DBT: variants seen among roughly 807,000 people sequenced by gnomAD.
DBT encodes the protein dihydrolipoamide branched chain transacylase E2.
In DBT, 40 loss-of-function variants were observed where a neutral mutation model predicts 51.3. The observed-to-expected ratio is 0.78, with a 90% CI of 0.61 to 1.02. The LOEUF is 1.02. Among genes scored for constraint, DBT ranks in the 50% least tolerant of loss-of-function variants. DBT has a pLI of 0.00. For synonymous variants in DBT, 181 were observed against 190.4 expected (o/e 0.95, Z 0.41); for missense variants, 510 against 580.2 (o/e 0.88, Z 1.24).
intron 7 of DBT, chr1:100,211,181 C>T (rs929096150): frequency 6.7e-5 from 51 of 766,896 alleles, no homozygotes; most frequent in South Asian, 4.0e-4. Context: ...GGAAAGAACA[C>T]GTAACGAGGA....
intron 4 of DBT, among the ~76,000 whole-genome samples, chr1:100,223,281 G>T (rs1391230087): frequency 6.6e-6 from 1 of 152,172 alleles, no homozygotes; most frequent in African/African-American, 2.4e-5. Flanking sequence ...TCATTTTACT[G>T]CATTAAATAA....
rs143940386 is a variant in DBT at position 100,201,253 on chromosome 1, G to A, written c.1282-4831C>T. ...AAACACAGCATGAGAACTTCGTGAA[G>A]CATACACAAGTATCAATAGCTGAAT... is the stretch of plus-strand genomic sequence containing the variant. On this transcript the variant is annotated intron_variant, in intron 10 of 10. Transcript: ENST00000370132. Among the ~76,000 whole-genome samples the A allele has an allele frequency of 9.3e-3, 1,416 of 152,050 alleles. 22 individuals carry two copies. The highest frequency in any genetic ancestry group is 0.033 in the African/African-American group (1,365 of 41,440).
rs534120163 is a variant in DBT at position 100,190,524 on chromosome 1, T to G, written c.*5731A>C. On this transcript the variant is annotated 3_prime_UTR_variant, in exon 11 of 11. Transcript: ENST00000370132. Reference sequence around the variant, plus strand: ...CTCTAATACCTCCTCCATAAGGAAATGGAAATAAATTTTAATCAGTGTGCT... The same window carrying G: ...CTCTAATACCTCCTCCATAAGGAAAGGGAAATAAATTTTAATCAGTGTGCT... 6.6e-6 allele frequency: 1 copy of G among 152,230 alleles called. No individual in the cohort carries two copies. Among genetic ancestry groups the G allele is most frequent in the South Asian group, 2.1e-4 (1 of 4,830 alleles). 9.4% of individuals were successfully genotyped at this position (152,230 alleles called of 1,614,324 possible). A position where few individuals can be genotyped will look rare whatever the true frequency, so the allele number is the denominator to read the frequency against.
chr1:100,205,653 A>G (rs888284585), intron 10 of DBT, among the ~76,000 whole-genome samples: 6 of 152,242 alleles, frequency 3.9e-5, no homozygotes, highest in Admixed American at 1.3e-4. Flanking sequence ...ATGCACATGT[A>G]TGTTTATTGC....
chr1:100,205,842 T>G (rs1170411538), intron 10 of DBT, among the ~76,000 whole-genome samples: 1 of 149,018 alleles, frequency 6.7e-6, no homozygotes, highest in East Asian at 1.9e-4. Context: ...AACCAAACAC[T>G]GCATGTTCTC....
chr1:100,216,036 A>T lies in DBT; in HGVS notation c.719T>A (p.Leu240Gln), dbSNP rs780112282. The part of the protein sequence containing the change: ...PKPKDMTVPI[L>Q]VSKPPVFTGK... Reference sequence around the variant, plus strand: ...TGTGAATACCGGAGGTTTTGATACTAGTATAGGAACAGTCATGTCTTTTGG... The same window carrying T: ...TGTGAATACCGGAGGTTTTGATACTTGTATAGGAACAGTCATGTCTTTTGG... The change falls in exon 6 of 11, where the codon CTA becomes CAA. Residue 240 changes from leucine (L) to glutamine (Q), a missense_variant. Leu to Gln is a moderately radical substitution (Grantham distance 113, BLOSUM62 -2). Transcript: ENST00000370132. 4.3e-6 allele frequency: 7 copies of T among 1,613,362 alleles called. No individual in the cohort carries two copies. Among genetic ancestry groups the T allele is most frequent in the Middle Eastern group, 3.3e-4 (2 of 6,080 alleles).
intron 3 of DBT, among the ~76,000 whole-genome samples, chr1:100,231,298 T>C (rs1355054492): frequency 6.6e-6 from 1 of 152,230 alleles, no homozygotes. Flanking sequence ...GAAATAAGTT[T>C]AAAAAGTGAT....
intron 7 of DBT, among the ~76,000 whole-genome samples, chr1:100,212,049 GTCGT>G (rs1221340098): frequency 3.9e-5 from 6 of 152,334 alleles, no homozygotes; most frequent in African/African-American, 1.4e-4. Context: ...TGGGATTACA[GTCGT>G]GAGACACTGC....
At chr1:100,230,648 A>G in intron 4 of DBT, 85 bp downstream of exon 4, 1 of 870,366 alleles carries the variant, frequency 1.1e-6, no homozygotes, top group Non-Finnish European at 1.8e-6. Context: ...AAAACAAAAA[A>G]ACAAAGATCA....
At chr1:100,238,754 G>C in intron 2 of DBT, among the ~76,000 whole-genome samples, 1 of 152,180 alleles carries the variant, frequency 6.6e-6, no homozygotes, top group East Asian at 1.9e-4. Context: ...GGAAATATCA[G>C]AAGGAAAAGA....
rs1660726521 is a variant in DBT, at chr1:100,189,738, GTCT to G, written c.*6514_*6516del. 2 of 152,278 alleles carry G rather than the reference GTCT, an allele frequency of 1.3e-5. No homozygotes were observed. The highest frequency in any genetic ancestry group is 1.3e-4 in the Admixed American group (2 of 15,278). The allele number at this position is 152,278 out of a possible 1,614,324, so 9.4% of individuals were successfully genotyped here. On this transcript the variant is annotated 3_prime_UTR_variant, in exon 11 of 11. Transcript: ENST00000370132. ...TAACAATATAAGAAAAGCATTCTGA[GTCT>G]TCTTTTAGGCAAACTGAAATTTGCC...
intron 9 of DBT, 33 bp from the exon 10 acceptor site, chr1:100,206,334 A>C: frequency 1.3e-6 from 2 of 1,584,990 alleles, no homozygotes; most frequent in Non-Finnish European, 1.7e-6. Context: ...GGAGAGTATT[A>C]AAAGTTAAGA....
chr1:100,210,940 G>A, intron 7 of DBT, 169 bp from the exon 8 acceptor site: 3 of 1,412,640 alleles, frequency 2.1e-6, no homozygotes, highest in Non-Finnish European at 2.9e-6. Flanking sequence ...TTACCTTCAG[G>A]CCATGTGGAA....
At chr1:100,210,601 A>G (rs1638739181) in intron 8 of DBT, 93 bp downstream of exon 8, 9 of 1,545,970 alleles carry the variant, frequency 5.8e-6, no homozygotes, top group African/African-American at 1.4e-5. Flanking sequence ...AAAAAAGATC[A>G]CTATTTGAGG....
chr1:100,230,191 A>C (rs1663460818), intron 4 of DBT, among the ~76,000 whole-genome samples: 1 of 152,180 alleles, frequency 6.6e-6, no homozygotes, highest in Non-Finnish European at 1.5e-5. Flanking sequence ...ACATCTCGAG[A>C]AGGCAGGACT....
intron 7 of DBT, among the ~76,000 whole-genome samples, chr1:100,213,950 A>C (rs1662328109): frequency 9.0e-6 from 1 of 110,862 alleles, no homozygotes; most frequent in African/African-American, 4.2e-5. Flanking sequence ...GATTCATACC[A>C]AAAAAAAAAA....
chr1:100,232,466 CT>C, intron 3 of DBT, among the ~76,000 whole-genome samples: 1 of 152,152 alleles, frequency 6.6e-6, no homozygotes, highest in East Asian at 1.9e-4. Flanking sequence ...TTATTTGTAA[CT>C]TTTTGTTTGT....
chr1:100,217,695 G>A (rs1448419328), intron 5 of DBT, among the ~76,000 whole-genome samples: 2 of 152,166 alleles, frequency 1.3e-5, no homozygotes, highest in Non-Finnish European at 2.9e-5. Flanking sequence ...AAGTATTCAG[G>A]TTTCAGAACC....
intron 2 of DBT, among the ~76,000 whole-genome samples, chr1:100,240,528 TA>T (rs1185305008): frequency 2.0e-5 from 3 of 151,538 alleles, no homozygotes; most frequent in South Asian, 2.1e-4. Context: ...ATCCTGTCTC[TA>T]AAAAAAAATT....
Sources: allele counts gnomAD v4.1 joint callset (sites outside exome capture counted in the v4.1 genomes callset), GRCh38; gene constraint gnomAD v4.1.1; transcripts MANE v1.5; gene names NCBI Gene and HGNC (gene_info 2026-07-23, HGNC 2026-07-21).